The following IGFBP7 variants were observed in gnomAD, a reference collection of about 807,000 sequenced individuals.
The protein encoded by IGFBP7 is insulin-like growth factor-binding protein 7.
IGFBP7 carries 31 observed loss-of-function variants against 29.4 expected under a neutral mutation model. That is an observed-to-expected ratio of 1.05 (90% confidence interval 0.79 to 1.42). IGFBP7 has a LOEUF of 1.42. IGFBP7 is among the 40% of genes most tolerant of loss of function. The pLI, the probability that IGFBP7 is intolerant of heterozygous loss-of-function variation, is 0.00. For synonymous variants in IGFBP7, 172 were observed against 174.9 expected (o/e 0.98, Z 0.13); for missense variants, 393 against 395.5 (o/e 0.99, Z 0.05).
intron 1 of IGFBP7, among the ~76,000 whole-genome samples, chr4:57,108,577 T>C (rs1726093710): frequency 1.3e-5 from 2 of 152,012 alleles, no homozygotes; most frequent in South Asian, 4.2e-4. Flanking sequence ...GGTCTCTGTC[T>C]GTCACCCAGG....
At chr4:57,078,845 A>G (rs892497421) in intron 1 of IGFBP7, among the ~76,000 whole-genome samples, 4 of 115,298 alleles carry the variant, frequency 3.5e-5, no homozygotes, top group Admixed American at 3.1e-4. Context: ...TTTCTTGAAC[A>G]ATAGAAAGTT....
chr4:57,042,957 G>A (rs1436292477), intron 1 of IGFBP7, among the ~76,000 whole-genome samples: 1 of 152,210 alleles, frequency 6.6e-6, no homozygotes, highest in Non-Finnish European at 1.5e-5. Context: ...GCTGATGCAA[G>A]TAACCCCCTG....
intron 1 of IGFBP7, among the ~76,000 whole-genome samples, chr4:57,100,525 T>A (rs1725871541): frequency 6.6e-6 from 1 of 152,224 alleles, no homozygotes; most frequent in Non-Finnish European, 1.5e-5. Context: ...TAAAGAGCCA[T>A]CTCAACTCTG....
chr4:57,050,980 C>A (rs1373781692), intron 1 of IGFBP7, among the ~76,000 whole-genome samples: 2 of 152,086 alleles, frequency 1.3e-5, no homozygotes. Context: ...ATAGTGTGTG[C>A]ATTAATACCA....
At chr4:57,031,852 G>A (rs767912550) in intron 4 of IGFBP7, among the ~76,000 whole-genome samples, 27 of 152,126 alleles carry the variant, frequency 1.8e-4, no homozygotes, top group African/African-American at 1.2e-4. Flanking sequence ...ACATGGTGAC[G>A]GTAAATTTTG....
chr4:57,037,514 C>A (rs1199972632), intron 2 of IGFBP7, among the ~76,000 whole-genome samples: 1 of 151,838 alleles, frequency 6.6e-6, no homozygotes, highest in South Asian at 2.1e-4. Flanking sequence ...TGGCTAGGGA[C>A]TACAGGTGCG....
chr4:57,036,128 A>T (rs1360190219), intron 2 of IGFBP7, among the ~76,000 whole-genome samples: 2 of 152,246 alleles, frequency 1.3e-5, no homozygotes, highest in African/African-American at 4.8e-5. Context: ...TGAGAAGCAG[A>T]CTTGGACGGA....
At chr4:57,082,150 G>T (rs11573041) in intron 1 of IGFBP7, among the ~76,000 whole-genome samples, 2,002 of 152,268 alleles carry the variant, frequency 0.013, 26 homozygotes, top group South Asian at 0.053. Context: ...AAAATGGAAA[G>T]GTTGAAGCAA....
chr4:57,049,814 T>G (rs912156491), intron 1 of IGFBP7, among the ~76,000 whole-genome samples: 1 of 152,134 alleles, frequency 6.6e-6, no homozygotes, highest in Non-Finnish European at 1.5e-5. Flanking sequence ...TCAGGCTGTG[T>G]GAAGTGGGTA....
chr4:57,049,186 C>T (rs1724440461), intron 1 of IGFBP7, among the ~76,000 whole-genome samples: 1 of 149,734 alleles, frequency 6.7e-6, no homozygotes, highest in Admixed American at 6.6e-5. Context: ...CCCAGTTAGC[C>T]AATTTTTTTT....
intron 1 of IGFBP7, among the ~76,000 whole-genome samples, chr4:57,069,986 CAGG>C (rs1725017395): frequency 6.6e-6 from 1 of 151,964 alleles, no homozygotes; most frequent in African/African-American, 2.4e-5. Context: ...GAGGCTGAGG[CAGG>C]AGAATTGCTT....
At chr4:57,056,663 C>G (rs756169245) in intron 1 of IGFBP7, among the ~76,000 whole-genome samples, 3 of 152,194 alleles carry the variant, frequency 2.0e-5, no homozygotes, top group Non-Finnish European at 2.9e-5. Context: ...AGGCAAGTCA[C>G]CCTTGCTTTT....
At chr4:57,031,500 A>G (rs1046161964) in intron 4 of IGFBP7, among the ~76,000 whole-genome samples, 164 bp from the exon 5 acceptor site, 1 of 152,226 alleles carries the variant, frequency 6.6e-6, no homozygotes, top group Admixed American at 6.5e-5. Context: ...TGCTCTGTGG[A>G]ACTCAAGTTA....
At chr4:57,096,140 A>C (rs1476615877) in intron 1 of IGFBP7, among the ~76,000 whole-genome samples, 1 of 151,546 alleles carries the variant, frequency 6.6e-6, no homozygotes, top group Non-Finnish European at 1.5e-5. Flanking sequence ...AATACCAACA[A>C]AACTGACATA....
At chr4:57,060,909 A>C (rs1724781900) in intron 1 of IGFBP7, among the ~76,000 whole-genome samples, 1 of 151,578 alleles carries the variant, frequency 6.6e-6, no homozygotes. Context: ...ACGGGGCAAA[A>C]AAGTTTTTTT....
rs1452633779 is a variant in IGFBP7 at position 57,070,963 on chromosome 4, GA to G, written c.476-30031del. On this transcript the variant is annotated intron_variant, in intron 1 of 4. Coordinates refer to ENST00000295666, the MANE Select transcript of IGFBP7 (RefSeq NM_001553.3). ...GCTAATTAAAAAGGCCAATTCATTT[GA>G]AGATGGGTTCTCCCTGCACCTATTC... 2.6e-5 allele frequency among the ~76,000 whole-genome samples: 4 copies of G among 152,232 alleles called. No individual in the cohort carries two copies. In the East Asian group the frequency reaches 7.7e-4, roughly 29 times the overall value.
At chr4:57,059,959 A>G (rs1724761728) in intron 1 of IGFBP7, among the ~76,000 whole-genome samples, 1 of 152,242 alleles carries the variant, frequency 6.6e-6, no homozygotes, top group Non-Finnish European at 1.5e-5. Flanking sequence ...TCAGCATTGT[A>G]TAGCATTAAG....
intron 1 of IGFBP7, among the ~76,000 whole-genome samples, chr4:57,086,296 G>C (rs1725495837): frequency 6.6e-6 from 1 of 152,184 alleles, no homozygotes; most frequent in Admixed American, 6.5e-5. Context: ...GGAGATTATG[G>C]AGTTACAATT....
chr4:57,037,255 C>T (rs17087414), intron 2 of IGFBP7, among the ~76,000 whole-genome samples: 11,675 of 152,174 alleles, frequency 0.077, 705 homozygotes, highest in East Asian at 0.21. Context: ...AGAGGAAAAC[C>T]GGCAGAGCAT....
Sources: allele counts gnomAD v4.1 joint callset (sites outside exome capture counted in the v4.1 genomes callset), GRCh38; gene constraint gnomAD v4.1.1; transcripts MANE v1.5; gene names NCBI Gene and HGNC (gene_info 2026-07-23, HGNC 2026-07-21).